Variants in PEPD observed in about 807,000 individuals in gnomAD.
PEPD encodes the protein peptidase D.
A neutral mutation model predicts 60.7 loss-of-function variants in PEPD; 53 were observed. That is an observed-to-expected ratio of 0.87 (90% confidence interval 0.70 to 1.10). The LOEUF is 1.10. Among genes scored for constraint, PEPD ranks in the 50% least tolerant of loss-of-function variants. PEPD has a pLI of 0.00. For missense variants in PEPD, 711 were observed against 711.9 expected, an observed-to-expected ratio of 1.00 and a Z score of 0.01; for synonymous variants, 267 against 284.1, an observed-to-expected ratio of 0.94 and a Z score of 0.60.
intron 9 of PEPD, among the ~76,000 whole-genome samples, chr19:33,449,757 C>A (rs768346052): frequency 8.9e-5 from 3 of 33,628 alleles, no homozygotes; most frequent in African/African-American, 4.7e-4. Flanking sequence ...CCACCCCAGG[C>A]GGTGTCCCAA....
At chr19:33,495,331 C>A (rs1422957788) in intron 4 of PEPD, among the ~76,000 whole-genome samples, 1 of 148,460 alleles carries the variant, frequency 6.7e-6, no homozygotes, top group Non-Finnish European at 1.5e-5. Flanking sequence ...ATGGTGAAAC[C>A]CCCATCTCTA....
chr19:33,395,317 GCT>G (rs1968335257), intron 12 of PEPD, among the ~76,000 whole-genome samples: 1 of 152,208 alleles, frequency 6.6e-6, no homozygotes, highest in Admixed American at 6.5e-5. Context: ...CCCGTACTCT[GCT>G]CTGTGCCTGG....
In PEPD at chr19:33,512,767, A is replaced by G; in HGVS notation, c.27T>C (p.Phe9=). The G allele has an allele frequency of 6.2e-7, 1 of 1,614,022 alleles. No homozygotes were observed. Residue 9 remains phenylalanine (F), a synonymous_variant, in exon 2 of 15, where the codon TTT becomes TTC. Coordinates refer to ENST00000244137, the MANE Select transcript of PEPD (RefSeq NM_000285.4). ...CCTTCAGGGTTTCATTCCCCAGCCA[A>G]AACGAGGGTCTGCAGAGGCAAGAGC... is the stretch of plus-strand genomic sequence containing the variant. MAAATGPS[F]WLGNETLKVP...
intron 8 of PEPD, among the ~76,000 whole-genome samples, chr19:33,463,274 G>T (rs1220459355): frequency 2.6e-5 from 4 of 152,182 alleles, no homozygotes; most frequent in African/African-American, 7.2e-5. Context: ...GCCGATAAAT[G>T]CCATGCCTCA....
chr19:33,426,780 C>G (rs1236050874), intron 9 of PEPD, among the ~76,000 whole-genome samples: 1 of 152,256 alleles, frequency 6.6e-6, no homozygotes, highest in African/African-American at 2.4e-5. Flanking sequence ...AGCCCCAGAT[C>G]CCCAGCACCT....
intron 11 of PEPD, 66 bp downstream of exon 11, chr19:33,411,606 T>C: frequency 1.1e-6 from 1 of 879,064 alleles, no homozygotes; most frequent in Non-Finnish European, 1.9e-6. Flanking sequence ...CTGGGCCATC[T>C]TGAAGTTGAG....
At chr19:33,432,085 G>T (rs982227057) in intron 9 of PEPD, among the ~76,000 whole-genome samples, 2 of 151,442 alleles carry the variant, frequency 1.3e-5, no homozygotes, top group Non-Finnish European at 2.9e-5. Context: ...TCCCAGGTAA[G>T]GGCCACTCTG....
intron 11 of PEPD, among the ~76,000 whole-genome samples, chr19:33,407,729 C>G (rs760404977): frequency 1.3e-5 from 2 of 152,208 alleles, no homozygotes; most frequent in African/African-American, 4.8e-5. Context: ...GGGTTCATGG[C>G]GAACCCCAGG....
At chr19:33,433,476 TC>T (rs767157545) in intron 9 of PEPD, among the ~76,000 whole-genome samples, 1 of 152,258 alleles carries the variant, frequency 6.6e-6, no homozygotes, top group Non-Finnish European at 1.5e-5. Context: ...TAATTTTACA[TC>T]CCCTTTTTTA....
chr19:33,486,792 T>G (rs569050624), intron 6 of PEPD: 1 of 152,282 alleles, frequency 6.6e-6, no homozygotes, highest in Non-Finnish European at 1.5e-5. Flanking sequence ...CCCAAGGGTA[T>G]AGGCTGGGTG....
intron 11 of PEPD, among the ~76,000 whole-genome samples, chr19:33,407,057 C>T (rs1968644653): frequency 6.6e-6 from 1 of 152,208 alleles, no homozygotes; most frequent in Non-Finnish European, 1.5e-5. Flanking sequence ...TGCCCACCAG[C>T]TGCATCCCGA....
At chr19:33,387,708 ATC>A (rs1968108995) in intron 14 of PEPD, 180 bp downstream of exon 14, 2 of 763,762 alleles carry the variant, frequency 2.6e-6, no homozygotes, top group African/African-American at 3.4e-5. Flanking sequence ...GTTTTGCAGG[ATC>A]TCTGTCTGTT....
At chr19:33,515,069 G>A (rs996261230) in intron 1 of PEPD, among the ~76,000 whole-genome samples, 7 of 152,306 alleles carry the variant, frequency 4.6e-5, no homozygotes, top group South Asian at 4.1e-4. Context: ...CCGCCGCCTC[G>A]GGTGGAAACA....
intron 12 of PEPD, among the ~76,000 whole-genome samples, chr19:33,399,132 G>C (rs534093133): frequency 9.9e-5 from 15 of 152,270 alleles, no homozygotes; most frequent in African/African-American, 3.6e-4. Context: ...GGGATTACAG[G>C]CATGAACCAT....
In PEPD at chr19:33,433,154, G is replaced by T. The variant is rs567492273; in HGVS notation, c.672-19511C>A. ...AATCCATGTCAATCAGGGCCTTACT[G>T]GTCTCGGGCACAGAACATGCTGGGT... On this transcript the variant is annotated intron_variant, in intron 9 of 14. Transcript: ENST00000244137. 2.0e-5 allele frequency among the ~76,000 whole-genome samples: 3 copies of T among 152,350 alleles called. No individual in the cohort carries two copies. In the East Asian group the frequency reaches 5.8e-4, roughly 29 times the overall value.
At chr19:33,399,818 T>C (rs928354825) in intron 12 of PEPD, among the ~76,000 whole-genome samples, 3 of 152,052 alleles carry the variant, frequency 2.0e-5, no homozygotes, top group Non-Finnish European at 4.4e-5. Context: ...AGCTGCCAGC[T>C]CTCTGTGGGT....
At chr19:33,470,925 C>T (rs191371946) in intron 7 of PEPD, among the ~76,000 whole-genome samples, 1 of 152,272 alleles carries the variant, frequency 6.6e-6, no homozygotes, top group African/African-American at 2.4e-5. Flanking sequence ...GGGTGGACCA[C>T]AGGAGCCCAC....
chr19:33,490,448 C>T (rs1393242690), intron 5 of PEPD, among the ~76,000 whole-genome samples: 2 of 152,226 alleles, frequency 1.3e-5, no homozygotes, highest in Non-Finnish European at 2.9e-5. Flanking sequence ...ACACTCCCCA[C>T]TAACTGTATA....
intron 5 of PEPD, among the ~76,000 whole-genome samples, chr19:33,491,329 A>G (rs967979166): frequency 2.0e-5 from 3 of 152,038 alleles, no homozygotes; most frequent in Admixed American, 2.0e-4. Context: ...GCATGCCTGT[A>G]ATCCCAGCTA....
Sources: allele counts gnomAD v4.1 joint callset (sites outside exome capture counted in the v4.1 genomes callset), GRCh38; gene constraint gnomAD v4.1.1; transcripts MANE v1.5; gene names NCBI Gene and HGNC (gene_info 2026-07-23, HGNC 2026-07-21).